PCDH18: variants seen among roughly 807,000 people sequenced by gnomAD.
PCDH18 encodes protocadherin 18, also known as protocadherin-18.
In PCDH18, 38 loss-of-function variants were observed where a neutral mutation model predicts 71.5. That is an observed-to-expected ratio of 0.53 (90% CI 0.41 to 0.70). The LOEUF (loss-of-function observed/expected upper bound fraction) is 0.70, where lower values mean the gene tolerates loss of function less well. Among genes scored for constraint, PCDH18 ranks in the 30% least tolerant of loss-of-function variants. The pLI, the probability that PCDH18 is intolerant of heterozygous loss-of-function variation, is 0.00. For synonymous variants in PCDH18, 565 were observed against 505.4 expected (o/e 1.12, Z -1.58); for missense variants, 1,334 against 1,384.6 (o/e 0.96, Z 0.58).
chr4:137,524,274 C>T (rs1013228864), intron 3 of PCDH18, among the ~76,000 whole-genome samples: 1 of 152,112 alleles, frequency 6.6e-6, no homozygotes, highest in Non-Finnish European at 1.5e-5. Flanking sequence ...GTGGGACAGG[C>T]AGCAGATATA....
In PCDH18 at chr4:137,529,836, G is replaced by A. The variant is rs998424915; in HGVS notation, c.2253C>T (p.Ser751=). The A allele has an allele frequency of 6.8e-6, 11 of 1,611,280 alleles. No homozygotes were observed. In the Admixed American group the frequency reaches 1.3e-4, roughly 20 times the overall value. ...STYQHHPKRP[S]RQIHKGDITL... ...TGATGTCCCCTTTGTGAATCTGCCG[G>A]GATGGCCTTTTTGGGTGGTGCTGGT... Residue 751 remains serine, a synonymous_variant, in exon 1 of 4, where the codon TCC becomes TCT. Coordinates refer to ENST00000344876, the MANE Select transcript of PCDH18 (RefSeq NM_019035.5).
rs150819575 is a variant in PCDH18 at position 137,532,020 on chromosome 4, G to C, written c.69C>G (p.His23Gln). The change falls in exon 1 of 4, where the codon CAC (histidine) becomes CAG (glutamine). Residue 23 changes from histidine (H) to glutamine (Q), a missense_variant. His to Gln is a conservative substitution (Grantham distance 24). This residue lies in a region of PCDH18 where 1,011 missense variants were observed against 1,048.0 expected (regional missense o/e 0.96). Coordinates refer to ENST00000344876, the MANE Select transcript of PCDH18 (RefSeq NM_019035.5). ...VFALLIVSFN[H>Q]DVLGKNLKYR... ...ATTTCAAATTCTTGCCCAGTACATC[G>C]TGGTTGAAAGATACTATCAGAAGTG... 1.2e-6 allele frequency: 2 copies of C among 1,613,620 alleles called. No homozygotes were observed. The highest frequency in any genetic ancestry group is 8.5e-7 in the Non-Finnish European group (1 of 1,179,736).
rs114877037 is a variant in PCDH18, at chr4:137,520,506, T to C, written c.*523A>G. 0.019 allele frequency: 2,852 copies of C among 152,686 alleles called. 98 individuals are homozygous for C. The highest frequency in any genetic ancestry group is 0.063 in the African/African-American group (2,636 of 41,552). 9.5% of individuals were successfully genotyped at this position (152,686 alleles called of 1,614,324 possible). On this transcript the variant is annotated 3_prime_UTR_variant, in exon 4 of 4. Transcript: ENST00000344876. Reference sequence around the variant, plus strand: ...CGATTTTCCTATAAGAGTTCAACTATTGGGGCTAGTAGAAAGTAGAGAAAA... The same window carrying C: ...CGATTTTCCTATAAGAGTTCAACTACTGGGGCTAGTAGAAAGTAGAGAAAA...
At chr4:137,521,719 G>T (rs780347972) in intron 3 of PCDH18, 23 bp from the exon 4 acceptor site, 3 of 1,556,176 alleles carry the variant, frequency 1.9e-6, no homozygotes, top group Non-Finnish European at 2.6e-6. Context: ...AAAACAGTGG[G>T]GATTCATTAT....
chr4:137,520,907 A>G lies in PCDH18; in HGVS notation c.*122T>C. 1 of 645,952 alleles carries G rather than the reference A, an allele frequency of 1.5e-6. No individual in the cohort carries two copies. The allele number at this position is 645,952 out of a possible 1,614,324, so 40.0% of individuals were successfully genotyped here. A position where few individuals can be genotyped will look rare whatever the true frequency, so the allele number is the denominator to read the frequency against. On this transcript the variant is annotated 3_prime_UTR_variant, in exon 4 of 4. Coordinates refer to ENST00000344876, the MANE Select transcript of PCDH18 (RefSeq NM_019035.5). ...AAATACAGTATTTAATATTCAATATACACAGACACATTTATGATAAATGCA... is the reference window on the plus strand; with the variant it reads ...AAATACAGTATTTAATATTCAATATGCACAGACACATTTATGATAAATGCA...
rs774443330 is a variant in PCDH18 at position 137,532,074 on chromosome 4, A to G, written c.15T>C (p.Asn5=). Residue 5 remains asparagine (N), a synonymous_variant, in exon 1 of 4, where the codon AAT becomes AAC. Transcript: ENST00000344876. ...AAACAAACCTAAAGTGCATTTTAGCATTCATTTGGTGCATTGGTCAGTTTA... is the reference window on the plus strand; with the variant it reads ...AAACAAACCTAAAGTGCATTTTAGCGTTCATTTGGTGCATTGGTCAGTTTA... The part of the protein sequence containing the change: MHQM[N]AKMHFRFVFA... The G allele has an allele frequency of 9.3e-6, 15 of 1,608,594 alleles. No homozygotes were observed. Among genetic ancestry groups the G allele is most frequent in the Admixed American group, 5.0e-5 (3 of 59,654 alleles).
intron 3 of PCDH18, among the ~76,000 whole-genome samples, chr4:137,526,823 A>G (rs1332425008): frequency 6.6e-6 from 1 of 151,938 alleles, no homozygotes; most frequent in Non-Finnish European, 1.5e-5. Flanking sequence ...ACCACAACAA[A>G]AACCTGTTAC....
chr4:137,529,669 G>C lies in PCDH18; in HGVS notation c.2420C>G (p.Thr807Arg). Reference protein sequence around the residue: ...NSHQSLNSLVTISSNHVPENF... With the variant: ...NSHQSLNSLVRISSNHVPENF... ...CTCTGGCACGTGGTTTGATGAGATT[G>C]TCACCAAACTGTTGAGTGACTGGTG... Residue 807 changes from threonine to arginine, a missense_variant, in exon 1 of 4, where the codon ACA becomes AGA. Coordinates refer to ENST00000344876, the MANE Select transcript of PCDH18 (RefSeq NM_019035.5). The C allele has an allele frequency of 6.2e-7, 1 of 1,613,776 alleles. No homozygotes were observed. The highest frequency in any genetic ancestry group is 1.1e-5 in the South Asian group (1 of 91,062).
rs763800868 is a variant in PCDH18, at chr4:137,531,204, C to T, written c.885G>A (p.Glu295=). 6.2e-7 allele frequency: 1 copy of T among 1,611,930 alleles called. No homozygotes were observed. The highest frequency in any genetic ancestry group is 8.5e-7 in the Non-Finnish European group (1 of 1,178,936). ...CTCTTTCAGAATCAATTTTAAAAGTCTCCATAATTTTGGGAGACACATGAC... is the reference window on the plus strand; with the variant it reads ...CTCTTTCAGAATCAATTTTAAAAGTTTCCATAATTTTGGGAGACACATGAC... The part of the protein sequence containing the change: ...FSSHVSPKIM[E]TFKIDSERGH... The change falls in exon 1 of 4, where the codon GAG becomes GAA. Residue 295 remains glutamate, a synonymous_variant. Transcript: ENST00000344876.
At chr4:137,527,179 T>C (rs892405405) in intron 3 of PCDH18, among the ~76,000 whole-genome samples, 1 of 152,076 alleles carries the variant, frequency 6.6e-6, no homozygotes, top group African/African-American at 2.4e-5. Flanking sequence ...CGAGTTTCTA[T>C]TCACAGTGGT....
chr4:137,529,236 G>C (rs150450158), intron 1 of PCDH18: 1 of 245,554 alleles, frequency 4.1e-6, no homozygotes, highest in Non-Finnish European at 7.8e-6. Context: ...AAGTCTGAAG[G>C]CCTCAGTTTT....
chr4:137,530,161 C>T lies in PCDH18; in HGVS notation c.1928G>A (p.Ser643Asn). 6.2e-7 allele frequency: 1 copy of T among 1,613,304 alleles called. No homozygotes were observed. Among genetic ancestry groups the T allele is most frequent in the Non-Finnish European group, 8.5e-7 (1 of 1,179,508 alleles). ...PRSCDIHTNV[S>N]MDSVPYTEWE... ...TTCTGTGTAGGGAACAGAATCCATG[C>T]TAACGTTGGTATGGATGTCACATGA... Residue 643 changes from serine (S) to asparagine (N), a missense_variant, in exon 1 of 4, where the codon AGC becomes AAC. Coordinates refer to ENST00000344876, the MANE Select transcript of PCDH18 (RefSeq NM_019035.5).
rs1317742274 is a variant in PCDH18, at chr4:137,531,477, T to C, written c.612A>G (p.Leu204=). ...CGTAGCTTGACTTCAGCTCCCGATC[T>C]AACTCTCTGACCACTATGAGTTCTG... ...KYAELIVVRE[L]DRELKSSYEL... is the part of the protein sequence containing the mutation. Residue 204 remains leucine (L), a synonymous_variant, in exon 1 of 4, where the codon TTA becomes TTG. Transcript: ENST00000344876. 11 of 1,613,924 alleles carry C rather than the reference T, an allele frequency of 6.8e-6. No homozygotes were observed. The highest frequency in any genetic ancestry group is 9.3e-6 in the Non-Finnish European group (11 of 1,179,984).
At chr4:137,528,146 C>T (rs1318885631) in intron 3 of PCDH18, among the ~76,000 whole-genome samples, 1 of 152,100 alleles carries the variant, frequency 6.6e-6, no homozygotes, top group African/African-American at 2.4e-5. Context: ...CAAAGAGTTA[C>T]ACAACCGTGT....
chr4:137,530,502 G>A lies in PCDH18; in HGVS notation c.1587C>T (p.Ala529=), dbSNP rs1326710143. ...CTTCTTCATGATCAAAGATTCTGAG[G>A]GCATAGATGGCTCCATTAGATGGGT... is the stretch of plus-strand genomic sequence containing the variant. ...TIDPSNGAIY[A]LRIFDHEEVS... The change falls in exon 1 of 4, where the codon GCC becomes GCT. Residue 529 remains alanine, a synonymous_variant. Coordinates refer to ENST00000344876, the MANE Select transcript of PCDH18 (RefSeq NM_019035.5). 1 of 1,613,850 alleles carries A rather than the reference G, an allele frequency of 6.2e-7. No individual in the cohort carries two copies. Among genetic ancestry groups the A allele is most frequent in the East Asian group, 2.2e-5 (1 of 44,854 alleles).
Position 137,521,223 on chromosome 4 carries a change from G to T in PCDH18, c.3214C>A (p.Pro1072Thr), listed in dbSNP as rs138873003. Residue 1072 changes from proline to threonine, a missense_variant, in exon 4 of 4, where the codon CCA (proline) becomes ACA (threonine). Around this residue, in one of 3 missense-constraint regions of PCDH18, gnomAD observed 319 missense variants for 316.3 expected, o/e 1.01. Transcript: ENST00000344876. ...TGCACACTGGAGTGAGTTCCAAGTG[G>T]CGGCCCACAGTTGGTGGTGGGATTT... Reference protein sequence around the residue: ...FQNPTTNCGPPLGTHSSVQPS... With the variant: ...FQNPTTNCGPTLGTHSSVQPS... 6.2e-7 allele frequency: 1 copy of T among 1,613,806 alleles called. No homozygotes were observed. Among genetic ancestry groups the T allele is most frequent in the African/African-American group, 1.3e-5 (1 of 75,046 alleles).
chr4:137,521,160 G>A lies in PCDH18; in HGVS notation c.3277C>T (p.Pro1093Ser). 6.2e-7 allele frequency: 1 copy of A among 1,614,082 alleles called. No homozygotes were observed. ...SKWLPAMEEI[P>S]ENYEEDDFDN... Reference sequence around the variant, plus strand: ...AAATCATCTTCCTCATAATTTTCAGGGATCTCCTCCATGGCTGGCAGCCAT... The same window carrying A: ...AAATCATCTTCCTCATAATTTTCAGAGATCTCCTCCATGGCTGGCAGCCAT... The change falls in exon 4 of 4, where the codon CCT (proline) becomes TCT (serine). Residue 1093 changes from proline (P) to serine (S), a missense_variant. This residue lies in a region of PCDH18 where 319 missense variants were observed against 316.3 expected (regional missense o/e 1.01). Transcript: ENST00000344876.
Position 137,532,341 on chromosome 4 carries a change from T to A in PCDH18, c.-253A>T, listed in dbSNP as rs1202093824. The A allele has an allele frequency of 2.8e-6, 2 of 702,504 alleles. No homozygotes were observed. The highest frequency in any genetic ancestry group is 5.4e-5 in the East Asian group (2 of 37,242). 43.5% of individuals were successfully genotyped at this position (702,504 alleles called of 1,614,324 possible). ...CGTCCTCTTTCCAGGCAGGAGAGTG[T>A]CACCTCCGCGTTTTCTCCCTTGTGT... On this transcript the variant is annotated 5_prime_UTR_variant, in exon 1 of 4. The change abolishes the stop of an existing upstream ORF in the 5' untranslated region. Coordinates refer to ENST00000344876, the MANE Select transcript of PCDH18 (RefSeq NM_019035.5).
At position 137,520,527 on chromosome 4, in the gene PCDH18, G is replaced by A. The variant is rs1731259209; in HGVS notation, c.*502C>T. On this transcript the variant is annotated 3_prime_UTR_variant, in exon 4 of 4. Transcript: ENST00000344876. The stretch of plus-strand genomic sequence containing the variant: ...ACTATTGGGGCTAGTAGAAAGTAGA[G>A]AAAATAACAATAAAATAGCTTAACA... 6.6e-6 allele frequency: 1 copy of A among 152,548 alleles called. No individual in the cohort carries two copies. Among genetic ancestry groups the A allele is most frequent in the African/African-American group, 2.4e-5 (1 of 41,408 alleles). 9.4% of individuals were successfully genotyped at this position (152,548 alleles called of 1,614,324 possible).
Sources: allele counts gnomAD v4.1 joint callset (sites outside exome capture counted in the v4.1 genomes callset), GRCh38; gene constraint gnomAD v4.1.1; regional missense constraint gnomAD v4.1.1; transcripts MANE v1.5; gene names NCBI Gene and HGNC (gene_info 2026-07-23, HGNC 2026-07-21).